Variants in CNBD2 observed in about 807,000 individuals in gnomAD.
The protein encoded by CNBD2 is cyclic nucleotide binding domain containing 2, also known as cyclic nucleotide-binding domain-containing protein 2.
CNBD2 carries 64 observed loss-of-function variants against 63.7 expected under a neutral mutation model. That is an observed-to-expected ratio of 1.00 (90% CI 0.82 to 1.24). CNBD2 has a LOEUF of 1.24. Among genes scored for constraint, CNBD2 ranks in the 50% most tolerant of loss-of-function variants. The pLI, the probability that CNBD2 is intolerant of heterozygous loss-of-function variation, is 0.00. For missense variants in CNBD2, 691 were observed against 713.5 expected, an observed-to-expected ratio of 0.97 and a Z score of 0.36; for synonymous variants, 229 against 255.4, an observed-to-expected ratio of 0.90 and a Z score of 0.99.
In CNBD2 at chr20:35,989,895, G is replaced by C. The variant is rs544600071; in HGVS notation, c.855+2362G>C. Among the ~76,000 whole-genome samples, 3 of 140,454 alleles carry C rather than the reference G, an allele frequency of 2.1e-5. No individual in the cohort carries two copies. In the South Asian group the frequency reaches 7.5e-4, roughly 35 times the overall value. 92.1% of individuals were successfully genotyped at this position (140,454 alleles called of 152,430 possible). A position where few individuals can be genotyped will look rare whatever the true frequency, so the allele number is the denominator to read the frequency against. ...AGAGAGAGAGAGAGAGAGAGAAGAGGGGAGGGGAGGGGAGGGGGAAGAAAG... is the reference window on the plus strand; with the variant it reads ...AGAGAGAGAGAGAGAGAGAGAAGAGCGGAGGGGAGGGGAGGGGGAAGAAAG... On this transcript the variant is annotated intron_variant, in intron 7 of 11. Coordinates refer to ENST00000373973, the MANE Select transcript of CNBD2 (RefSeq NM_001365709.1).
intron 3 of CNBD2, among the ~76,000 whole-genome samples, chr20:35,978,240 A>G (rs2056547305): frequency 6.6e-6 from 1 of 152,110 alleles, no homozygotes; most frequent in Admixed American, 6.5e-5. Flanking sequence ...CAGTGATGCA[A>G]TCACAGCTCA....
chr20:36,010,034 G>T (rs747081967), intron 9 of CNBD2, among the ~76,000 whole-genome samples: 1 of 152,148 alleles, frequency 6.6e-6, no homozygotes. Context: ...GCTCAGTGTT[G>T]TTATCGGTAT....
At chr20:35,973,351 T>C (rs6060731) in intron 2 of CNBD2, 8,539 of 153,046 alleles carry the variant, frequency 0.056, 325 homozygotes, top group South Asian at 0.21. Context: ...TCTACTTTCT[T>C]TCCTACACCC....
chr20:36,013,900 G>T (rs1246393614), intron 10 of CNBD2, among the ~76,000 whole-genome samples: 1 of 151,984 alleles, frequency 6.6e-6, no homozygotes, highest in Non-Finnish European at 1.5e-5. Flanking sequence ...TGTATAGGTA[G>T]GCCAGGTGTG....
chr20:35,959,752 C>T (rs1451313483), downstream of CNBD2, among the ~76,000 whole-genome samples: 1 of 152,066 alleles, frequency 6.6e-6, no homozygotes, highest in Non-Finnish European at 1.5e-5. Context: ...AAATTAAGGT[C>T]TAGAGAGATT....
At chr20:36,016,333 T>G (rs1302732150) in intron 10 of CNBD2, among the ~76,000 whole-genome samples, 2 of 152,214 alleles carry the variant, frequency 1.3e-5, no homozygotes, top group African/African-American at 4.8e-5. Flanking sequence ...ACAGGAAATC[T>G]AAGCAACTCA....
At chr20:35,975,616 T>C (rs1007180041) in intron 2 of CNBD2, among the ~76,000 whole-genome samples, 2 of 144,640 alleles carry the variant, frequency 1.4e-5, no homozygotes, top group African/African-American at 2.9e-5. Context: ...TTTCTTTTTA[T>C]TCTTCCTTTT....
At position 35,984,762 on chromosome 20, in the gene CNBD2, C is replaced by T. The variant is rs534729039; in HGVS notation, c.700C>T (p.Arg234Trp). The T allele has an allele frequency of 1.4e-4, 220 of 1,614,090 alleles. No homozygotes were observed. The highest frequency in any genetic ancestry group is 1.7e-4 in the Non-Finnish European group (202 of 1,180,000). ...DQEVQKDAQY[R>W]FEFFRKMELF... Reference sequence around the variant, plus strand: ...GGAAGTTCAGAAGGATGCTCAGTATCGGTTTGAATTTTTTAGGTAACTCTG... The same window carrying T: ...GGAAGTTCAGAAGGATGCTCAGTATTGGTTTGAATTTTTTAGGTAACTCTG... The change falls in exon 6 of 12, where the codon CGG (arginine) becomes TGG (tryptophan). Residue 234 changes from arginine (R) to tryptophan (W), a missense_variant. Coordinates refer to ENST00000373973, the MANE Select transcript of CNBD2 (RefSeq NM_001365709.1).
At chr20:35,967,416 A>G (rs979406135), upstream of CNBD2, among the ~76,000 whole-genome samples, 1 of 151,038 alleles carries the variant, frequency 6.6e-6, no homozygotes, top group South Asian at 2.1e-4. Flanking sequence ...CACCCGGCTA[A>G]TTTTTTTGTA....
chr20:35,975,514 A>G (rs1404815090), intron 2 of CNBD2, among the ~76,000 whole-genome samples: 7 of 146,952 alleles, frequency 4.8e-5, no homozygotes, highest in East Asian at 3.9e-4. Flanking sequence ...GTTAGCCAGG[A>G]TGGTCTCGAT....
chr20:36,005,778 G>A (rs907743005), intron 8 of CNBD2, among the ~76,000 whole-genome samples: 1 of 151,340 alleles, frequency 6.6e-6, no homozygotes, highest in African/African-American at 2.4e-5. Context: ...GTGAAACGCT[G>A]TCTCTAATAA....
intron 4 of CNBD2, among the ~76,000 whole-genome samples, chr20:35,982,924 C>T (rs1309454474): frequency 6.6e-6 from 1 of 151,890 alleles, no homozygotes; most frequent in Non-Finnish European, 1.5e-5. Flanking sequence ...TGTTGCCCAC[C>T]CAGGAGTTCA....
upstream of CNBD2, among the ~76,000 whole-genome samples, chr20:35,967,293 A>G (rs900830400): frequency 8.6e-6 from 1 of 116,750 alleles, no homozygotes; most frequent in African/African-American, 3.4e-5. Context: ...TCTGTCGTTC[A>G]GGCTGGAGTG....
In CNBD2 at chr20:36,024,692, G is replaced by A. The variant is rs1482900367; in HGVS notation, c.1439+921G>A. Among the ~76,000 whole-genome samples, 12 of 151,682 alleles carry A rather than the reference G, an allele frequency of 7.9e-5. No homozygotes were observed. The East Asian group carries it at 2.3e-3, about 29-fold the overall frequency. The stretch of plus-strand genomic sequence containing the variant: ...GCCTGTAATCCCAGCACTTTGGGAG[G>A]CCGAGGCAGGTGGATTACCTGAGGT... On this transcript the variant is annotated intron_variant, in intron 11 of 11. Coordinates refer to ENST00000373973, the MANE Select transcript of CNBD2 (RefSeq NM_001365709.1).
rs374029595 is a variant in CNBD2 at position 36,006,955 on chromosome 20, C to T, written c.971-1342C>T. 1.1e-4 allele frequency among the ~76,000 whole-genome samples: 17 copies of T among 152,040 alleles called. No individual in the cohort carries two copies. In the South Asian group the frequency reaches 1.2e-3, roughly 11 times the overall value. On this transcript the variant is annotated intron_variant, in intron 8 of 11. Transcript: ENST00000373973. The stretch of plus-strand genomic sequence containing the variant: ...CTGTAATCCTAGCACTCTGGGAGGC[C>T]GAGGCAGGTGGCTCATGAGGTCAGG...
At chr20:35,978,344 A>ATTTT (rs146244036) in intron 3 of CNBD2, among the ~76,000 whole-genome samples, 1 of 137,094 alleles carries the variant, frequency 7.3e-6, no homozygotes, top group African/African-American at 2.7e-5. Flanking sequence ...CGCCTGGCTA[A>ATTTT]TTTTTTTTTT....
At position 36,008,482 on chromosome 20, in the gene CNBD2, C is replaced by G. The variant is rs1568911061; in HGVS notation, c.1148+8C>G. 6.9e-6 allele frequency: 11 copies of G among 1,597,970 alleles called. No individual in the cohort carries two copies. The highest frequency in any genetic ancestry group is 9.4e-6 in the Non-Finnish European group (11 of 1,175,568). The stretch of plus-strand genomic sequence containing the variant: ...GCTGGGCCCGAAGATCCAGTAAGCT[C>G]AGCCCTGGGCAGATAGACGGGTCCA... On this transcript the variant is annotated splice_region_variant and intron_variant, in intron 9 of 11. Transcript: ENST00000373973.
downstream of CNBD2, among the ~76,000 whole-genome samples, chr20:35,956,615 A>G (rs1467313925): frequency 6.6e-6 from 1 of 152,188 alleles, no homozygotes; most frequent in African/African-American, 2.4e-5. Context: ...AGTGTTTGTT[A>G]TGCCTACTGG....
chr20:36,008,491 G>T lies in CNBD2; in HGVS notation c.1148+17G>T. The T allele has an allele frequency of 6.3e-7, 1 of 1,592,334 alleles. No homozygotes were observed. Among genetic ancestry groups the T allele is most frequent in the Non-Finnish European group, 8.5e-7 (1 of 1,173,572 alleles). On this transcript the variant is annotated intron_variant, in intron 9 of 11. Coordinates refer to ENST00000373973, the MANE Select transcript of CNBD2 (RefSeq NM_001365709.1). ...GAAGATCCAGTAAGCTCAGCCCTGG[G>T]CAGATAGACGGGTCCAGATTGTGGT...
Sources: gnomAD v4.1 joint callset for allele counts (sites outside exome capture counted in the v4.1 genomes callset) on GRCh38, gnomAD v4.1.1 for gene constraint, MANE v1.5 for transcripts, NCBI Gene and HGNC (gene_info 2026-07-23, HGNC 2026-07-21) for gene names.